Variants in HECTD2 observed in about 807,000 individuals in gnomAD.
HECTD2 encodes the protein HECT domain E3 ubiquitin protein ligase 2.
A neutral mutation model predicts 103.2 loss-of-function variants in HECTD2; 35 were observed. The ratio of observed to expected loss-of-function variants is 0.34; its 90% CI spans 0.26 to 0.45. HECTD2 has a LOEUF of 0.45. Among genes scored for constraint, HECTD2 ranks in the 20% least tolerant of loss-of-function variants. HECTD2 has a pLI of 1.00. For missense variants in HECTD2, 596 were observed against 937.4 expected (o/e 0.64, Z 4.76); for synonymous variants, 281 against 329.9 (o/e 0.85, Z 1.61).
chr10:91,481,664 T>C (rs1213035993), intron 7 of HECTD2, among the ~76,000 whole-genome samples: 2 of 151,732 alleles, frequency 1.3e-5, no homozygotes, highest in African/African-American at 4.8e-5. Context: ...TACAGATTAA[T>C]AGATACAAAA....
At chr10:91,421,530 T>G (rs1000465490) in intron 1 of HECTD2, among the ~76,000 whole-genome samples, 6 of 152,214 alleles carry the variant, frequency 3.9e-5, no homozygotes, top group African/African-American at 1.4e-4. Context: ...ATTTATAATG[T>G]TTTAAGAAAG....
intron 6 of HECTD2, among the ~76,000 whole-genome samples, chr10:91,478,510 A>G (rs112678461): frequency 5.3e-5 from 8 of 152,290 alleles, no homozygotes; most frequent in African/African-American, 1.9e-4. Context: ...TTGTATGTAA[A>G]GTTTTTTCTA....
chr10:91,468,876 T>G (rs1000994641), intron 5 of HECTD2, among the ~76,000 whole-genome samples: 11 of 143,788 alleles, frequency 7.7e-5, no homozygotes, highest in Non-Finnish European at 1.3e-4. Flanking sequence ...TTCAAAACTG[T>G]GGTGAGCTAT....
Position 91,498,872 on chromosome 10 carries a change from GT to G in HECTD2, c.1761del (p.Gln588LysfsTer6). The G allele has an allele frequency of 6.4e-7, 1 of 1,572,044 alleles. No homozygotes were observed. The highest frequency in any genetic ancestry group is 8.7e-7 in the Non-Finnish European group (1 of 1,146,482). On this transcript the variant is annotated frameshift_variant and splice_region_variant, in exon 17 of 21. Coordinates refer to ENST00000298068, the MANE Select transcript of HECTD2 (RefSeq NM_182765.6). LOFTEE classifies it high-confidence loss of function. ...TATGTGTAATGGCATCTCCCATCAG[GT>G]TTTTCAAGAAGAATTTGGAATAATC... Reference protein sequence around the residue: ...VEEDFYSTFQVFQEEFGIIKS... With the variant: ...VEEDFYSTFQXFQEEFGIIKS...
At chr10:91,459,255 G>A (rs1328391841) in intron 2 of HECTD2, among the ~76,000 whole-genome samples, 1 of 151,962 alleles carries the variant, frequency 6.6e-6, no homozygotes, top group Non-Finnish European at 1.5e-5. Context: ...TATATTGCTG[G>A]TGGGAATGTG....
chr10:91,415,304 A>T (rs1054884156), intron 1 of HECTD2, among the ~76,000 whole-genome samples: 2 of 151,646 alleles, frequency 1.3e-5, no homozygotes, highest in African/African-American at 4.9e-5. Context: ...TTTGTTCATT[A>T]TGTTCTAAAC....
At chr10:91,432,690 C>G (rs536045983) in intron 2 of HECTD2, among the ~76,000 whole-genome samples, 1 of 151,978 alleles carries the variant, frequency 6.6e-6, no homozygotes, top group East Asian at 1.9e-4. Context: ...TCTTTCCAGC[C>G]TAGGTAGTTC....
chr10:91,495,592 A>G (rs1405620439), intron 14 of HECTD2, among the ~76,000 whole-genome samples: 1 of 152,086 alleles, frequency 6.6e-6, no homozygotes, highest in Non-Finnish European at 1.5e-5. Flanking sequence ...ACATTCCACC[A>G]TATGACTAAT....
chr10:91,462,249 C>G, intron 5 of HECTD2, 65 bp downstream of exon 5: 3 of 1,444,916 alleles, frequency 2.1e-6, no homozygotes, highest in Non-Finnish European at 2.8e-6. Flanking sequence ...AGCAGCCATA[C>G]AAATATTGTA....
At chr10:91,439,708 C>T (rs550912672) in intron 2 of HECTD2, among the ~76,000 whole-genome samples, 35 of 152,128 alleles carry the variant, frequency 2.3e-4, no homozygotes, top group Non-Finnish European at 4.0e-4. Flanking sequence ...TTCTTCCTAT[C>T]CATGAGGATG....
chr10:91,487,790 A>G lies in HECTD2; in HGVS notation c.1191+12A>G. 2.1e-6 allele frequency: 3 copies of G among 1,411,824 alleles called. No homozygotes were observed. Among genetic ancestry groups the G allele is most frequent in the South Asian group, 1.2e-5 (1 of 85,006 alleles). 87.5% of individuals were successfully genotyped at this position (1,411,824 alleles called of 1,614,324 possible). Reference sequence around the variant, plus strand: ...TAAACATCGCAAGGGTAAGTCAGCTATAAAAACATATTTATGCTGACTATA... The same window carrying G: ...TAAACATCGCAAGGGTAAGTCAGCTGTAAAAACATATTTATGCTGACTATA... On this transcript the variant is annotated intron_variant, in intron 11 of 20. Transcript: ENST00000298068. This position sits in a 1 kb window ranked among gnomAD's most constrained non-coding sequence, Gnocchi z 4.1.
At chr10:91,494,916 C>A (rs1846610921) in intron 14 of HECTD2, among the ~76,000 whole-genome samples, 1 of 151,902 alleles carries the variant, frequency 6.6e-6, no homozygotes, top group African/African-American at 2.4e-5. Flanking sequence ...AGCTTAGTTA[C>A]ATTTTTAAGT....
Position 91,426,417 on chromosome 10 carries a change from T to G in HECTD2, c.268+1007T>G, listed in dbSNP as rs548493938. On this transcript the variant is annotated intron_variant, in intron 2 of 20. Transcript: ENST00000298068. ...ATCACCCATGTCCATAAGCTGCATGTGGTATAAATTATTCTTGCATAGAGA... is the reference window on the plus strand; with the variant it reads ...ATCACCCATGTCCATAAGCTGCATGGGGTATAAATTATTCTTGCATAGAGA... Among the ~76,000 whole-genome samples the G allele has an allele frequency of 2.0e-5, 3 of 152,210 alleles. No individual in the cohort carries two copies. In the East Asian group the frequency reaches 5.8e-4, roughly 29 times the overall value.
At chr10:91,477,750 CTAAAG>C (rs1387321828) in intron 5 of HECTD2, among the ~76,000 whole-genome samples, 2 of 152,030 alleles carry the variant, frequency 1.3e-5, no homozygotes, top group Non-Finnish European at 2.9e-5. Context: ...CTCTTATAAA[CTAAAG>C]TATTATCTAA....
chr10:91,485,346 C>T (rs374775084), intron 10 of HECTD2, 43 bp downstream of exon 10: 26 of 1,477,874 alleles, frequency 1.8e-5, no homozygotes, highest in Non-Finnish European at 2.3e-5. Context: ...AAATGAAATA[C>T]TATTCAAAAG....
intron 1 of HECTD2, among the ~76,000 whole-genome samples, chr10:91,416,315 C>A (rs1163651717): frequency 2.6e-5 from 4 of 152,104 alleles, no homozygotes; most frequent in African/African-American, 7.2e-5. Context: ...TAGAAAAAAA[C>A]CTTGTACAAA....
chr10:91,430,765 A>T (rs1194014668), intron 2 of HECTD2, among the ~76,000 whole-genome samples: 1 of 151,972 alleles, frequency 6.6e-6, no homozygotes. Context: ...TTTTGAGCCC[A>T]TGTCTGTCTC....
At chr10:91,503,696 G>A (rs577646188) in intron 20 of HECTD2, among the ~76,000 whole-genome samples, 1 of 152,298 alleles carries the variant, frequency 6.6e-6, no homozygotes, top group African/African-American at 2.4e-5. Context: ...AGCGAGGCTG[G>A]GGGAGGGGCG....
intron 2 of HECTD2, among the ~76,000 whole-genome samples, chr10:91,432,316 G>A (rs561007802): frequency 1.2e-4 from 19 of 152,008 alleles, no homozygotes; most frequent in African/African-American, 4.3e-4. Context: ...TGATCTTCAA[G>A]TGATATTAGG....
Sources: allele counts gnomAD v4.1 joint callset (sites outside exome capture counted in the v4.1 genomes callset), GRCh38; gene constraint gnomAD v4.1.1; non-coding constraint Gnocchi (gnomAD v3.1); transcripts MANE v1.5; gene names NCBI Gene and HGNC (gene_info 2026-07-23, HGNC 2026-07-21).